RSRC1: variants seen among roughly 807,000 people sequenced by gnomAD.
RSRC1 encodes the protein arginine and serine rich coiled-coil 1, also known as serine/Arginine-related protein 53.
A neutral mutation model predicts 49.1 loss-of-function variants in RSRC1; 39 were observed. The ratio of observed to expected loss-of-function variants is 0.79; its 90% CI spans 0.61 to 1.04. The LOEUF is 1.04. Among genes scored for constraint, RSRC1 ranks in the 50% least tolerant of loss-of-function variants. The pLI is 0.00. For missense variants in RSRC1, 388 were observed against 402.4 expected (o/e 0.96, Z 0.31); for synonymous variants, 143 against 130.8 (o/e 1.09, Z -0.63).
intron 5 of RSRC1, among the ~76,000 whole-genome samples, chr3:158,351,477 T>C (rs137951056): frequency 2.8e-4 from 42 of 152,372 alleles, no homozygotes; most frequent in African/African-American, 9.9e-4. Flanking sequence ...TGTAACAGTA[T>C]ATCCCCATAG....
chr3:158,309,978 A>G (rs1418909199), intron 5 of RSRC1, among the ~76,000 whole-genome samples: 1 of 151,736 alleles, frequency 6.6e-6, no homozygotes, highest in Non-Finnish European at 1.5e-5. Context: ...ACCTTGAGAA[A>G]GTGTATTAAA....
chr3:158,278,570 A>G (rs1369947242), intron 4 of RSRC1, among the ~76,000 whole-genome samples: 1 of 152,208 alleles, frequency 6.6e-6, no homozygotes, highest in Non-Finnish European at 1.5e-5. Context: ...CTCATGAAAA[A>G]CCAAGCAAAA....
intron 6 of RSRC1, among the ~76,000 whole-genome samples, chr3:158,392,646 G>T (rs768406043): frequency 3.3e-5 from 5 of 152,056 alleles, no homozygotes; most frequent in Non-Finnish European, 5.9e-5. Context: ...AAATATATAT[G>T]CACCAAACAC....
At chr3:158,348,196 G>T (rs1467783479) in intron 5 of RSRC1, among the ~76,000 whole-genome samples, 1 of 152,160 alleles carries the variant, frequency 6.6e-6, no homozygotes, top group Non-Finnish European at 1.5e-5. Context: ...TTGGCAGATG[G>T]AATGGCTTTA....
At chr3:158,290,455 T>G (rs1726868049) in intron 4 of RSRC1, among the ~76,000 whole-genome samples, 1 of 152,060 alleles carries the variant, frequency 6.6e-6, no homozygotes, top group Admixed American at 6.5e-5. Context: ...TGTATTTTTT[T>G]TAGTAGAGAT....
At chr3:158,418,681 T>C (rs1158009799) in intron 6 of RSRC1, among the ~76,000 whole-genome samples, 1 of 151,960 alleles carries the variant, frequency 6.6e-6, no homozygotes, top group Non-Finnish European at 1.5e-5. Flanking sequence ...TTGCTGCACC[T>C]GCCTCAGGAC....
At chr3:158,315,933 A>G (rs1243835284) in intron 5 of RSRC1, among the ~76,000 whole-genome samples, 1 of 152,126 alleles carries the variant, frequency 6.6e-6, no homozygotes, top group Non-Finnish European at 1.5e-5. Flanking sequence ...GTGCTTTGGG[A>G]GGCTGAGGTG....
chr3:158,412,024 A>T (rs1417986497), intron 6 of RSRC1, among the ~76,000 whole-genome samples: 1 of 152,142 alleles, frequency 6.6e-6, no homozygotes, highest in Non-Finnish European at 1.5e-5. Context: ...TATCTTTGTT[A>T]TCTGCCATTT....
chr3:158,250,897 A>G (rs1014451804), intron 4 of RSRC1, among the ~76,000 whole-genome samples: 7 of 152,206 alleles, frequency 4.6e-5, no homozygotes, highest in Non-Finnish European at 8.8e-5. Context: ...GGTATTAGTC[A>G]GGAAATCTTT....
At chr3:158,276,648 C>T (rs764857774) in intron 4 of RSRC1, among the ~76,000 whole-genome samples, 6 of 151,792 alleles carry the variant, frequency 4.0e-5, no homozygotes, top group South Asian at 4.2e-4. Flanking sequence ...TTTAGTTTTT[C>T]GACCAGTATT....
chr3:158,495,995 A>T (rs1425558132), intron 7 of RSRC1, among the ~76,000 whole-genome samples: 1 of 152,228 alleles, frequency 6.6e-6, no homozygotes, highest in Non-Finnish European at 1.5e-5. Context: ...ATACATACAC[A>T]CATATGTTAT....
At chr3:158,327,884 T>A (rs1352003818) in intron 5 of RSRC1, among the ~76,000 whole-genome samples, 4 of 151,944 alleles carry the variant, frequency 2.6e-5, no homozygotes, top group African/African-American at 9.7e-5. Flanking sequence ...TTTGTAGGTC[T>A]CTAAGGACTT....
chr3:158,510,411 A>G (rs560530692), intron 7 of RSRC1, among the ~76,000 whole-genome samples: 15 of 151,988 alleles, frequency 9.9e-5, no homozygotes, highest in Non-Finnish European at 2.1e-4. Flanking sequence ...TATATTTTTT[A>G]TGTCCTGTAT....
chr3:158,455,401 G>C (rs1737255844), intron 6 of RSRC1, among the ~76,000 whole-genome samples: 2 of 152,002 alleles, frequency 1.3e-5, no homozygotes, highest in Non-Finnish European at 2.9e-5. Flanking sequence ...TCCAATTCTT[G>C]ATTTGATGAT....
intron 7 of RSRC1, among the ~76,000 whole-genome samples, chr3:158,515,766 A>G (rs544540703): frequency 3.2e-3 from 491 of 151,354 alleles, no homozygotes; most frequent in African/African-American, 0.011. Flanking sequence ...CTTTTCACAT[A>G]GTCCCATATT....
chr3:158,161,508 T>C (rs979059695), intron 3 of RSRC1, among the ~76,000 whole-genome samples: 5 of 152,202 alleles, frequency 3.3e-5, no homozygotes, highest in African/African-American at 1.2e-4. Context: ...ACGCCTGTAA[T>C]CCCAGCACTT....
chr3:158,505,071 A>C (rs1273369558), intron 7 of RSRC1, among the ~76,000 whole-genome samples: 1 of 152,220 alleles, frequency 6.6e-6, no homozygotes, highest in Non-Finnish European at 1.5e-5. Context: ...AAATCAATAA[A>C]CTTAACAGTT....
At chr3:158,430,701 C>A (rs1735731870) in intron 6 of RSRC1, among the ~76,000 whole-genome samples, 1 of 151,924 alleles carries the variant, frequency 6.6e-6, no homozygotes, top group Non-Finnish European at 1.5e-5. Context: ...TACAAATAAA[C>A]TCTTTTCTGT....
At chr3:158,146,423 G>A (rs1271868703) in intron 3 of RSRC1, among the ~76,000 whole-genome samples, 1 of 152,100 alleles carries the variant, frequency 6.6e-6, no homozygotes, top group Non-Finnish European at 1.5e-5. Flanking sequence ...TTATATGCTG[G>A]ATTACGTTTA....
Sources: allele counts gnomAD v4.1 joint callset (sites outside exome capture counted in the v4.1 genomes callset), GRCh38; gene constraint gnomAD v4.1.1; transcripts MANE v1.5; gene names NCBI Gene and HGNC (gene_info 2026-07-23, HGNC 2026-07-21).